PALM2AKAP2: variants seen among roughly 807,000 people sequenced by gnomAD.
PALM2AKAP2 encodes PALM2-AKAP2 fusion protein.
Under a neutral mutation model 71.5 loss-of-function variants are expected in PALM2AKAP2, and 37 were observed. The observed-to-expected ratio is 0.52, with a 90% confidence interval of 0.40 to 0.68. PALM2AKAP2 has a LOEUF of 0.68. PALM2AKAP2 is among the 30% of genes least tolerant of loss of function. The pLI, the probability that PALM2AKAP2 is intolerant of heterozygous loss-of-function variation, is 0.00. For synonymous variants in PALM2AKAP2, 468 were observed against 478.8 expected, an observed-to-expected ratio of 0.98 and a Z score of 0.29; for missense variants, 1,224 against 1,191.8, an observed-to-expected ratio of 1.03 and a Z score of -0.40.
intron 2 of PALM2AKAP2, among the ~76,000 whole-genome samples, chr9:109,869,639 A>G (rs1829551121): frequency 7.2e-6 from 1 of 138,322 alleles, no homozygotes; most frequent in Non-Finnish European, 1.6e-5. Context: ...CTATGCATCC[A>G]TTCATCCATC....
upstream of PALM2AKAP2, chr9:110,048,543 G>A: frequency 1.4e-6 from 1 of 693,024 alleles, no homozygotes; most frequent in Non-Finnish European, 2.3e-6. Flanking sequence ...GAGAGGAGAA[G>A]GTGTGGGTAG....
rs762082016 is a variant in PALM2AKAP2 at position 110,137,615 on chromosome 9, A to C, written c.1645A>C (p.Arg549=). Residue 549 remains arginine, a synonymous_variant, in exon 2 of 4, where the codon AGA becomes CGA. Coordinates refer to ENST00000374525, the Ensembl canonical transcript of PALM2AKAP2. ...CCATGGGATTTTGGATCAGTTCTCA[A>C]GATCTGTCAATGTCTCCTTGACCCA... 6 of 1,614,014 alleles carry C rather than the reference A, an allele frequency of 3.7e-6. No individual in the cohort carries two copies. The Admixed American group carries it at 5.0e-5, about 13-fold the overall frequency.
chr9:109,778,191 T>C (rs1829375491), upstream of PALM2AKAP2, among the ~76,000 whole-genome samples: 1 of 152,192 alleles, frequency 6.6e-6, no homozygotes, highest in Admixed American at 6.5e-5. Flanking sequence ...CCATTTCTGG[T>C]TCAATTGTTT....
intron 3 of PALM2AKAP2, among the ~76,000 whole-genome samples, chr9:110,164,165 A>C (rs1251214120): frequency 6.6e-6 from 1 of 152,228 alleles, no homozygotes; most frequent in African/African-American, 2.4e-5. Context: ...TTTGAGAATT[A>C]GGACTAAGCC....
intron 7 of PALM2AKAP2, among the ~76,000 whole-genome samples, chr9:110,037,161 A>T (rs1833425276): frequency 6.7e-6 from 1 of 149,930 alleles, no homozygotes. Flanking sequence ...AGCTACATGA[A>T]CATGGGGACT....
chr9:109,922,951 A>G (rs947939428), intron 3 of PALM2AKAP2, among the ~76,000 whole-genome samples: 2 of 152,240 alleles, frequency 1.3e-5, no homozygotes, highest in African/African-American at 4.8e-5. Context: ...AAGTTTGGAT[A>G]AAATAATCCA....
At chr9:110,135,879 C>T (rs1002180734) in intron 1 of PALM2AKAP2, among the ~76,000 whole-genome samples, 9 of 152,050 alleles carry the variant, frequency 5.9e-5, no homozygotes, top group Non-Finnish European at 1.2e-4. Flanking sequence ...TCTCTTCCAC[C>T]TTAGTAGATA....
intron 1 of PALM2AKAP2, among the ~76,000 whole-genome samples, chr9:109,757,448 A>T (rs1229347681): frequency 6.6e-6 from 1 of 152,102 alleles, no homozygotes; most frequent in Non-Finnish European, 1.5e-5. Context: ...TCCACCACTA[A>T]AAGTCTCCTA....
intron 1 of PALM2AKAP2, among the ~76,000 whole-genome samples, chr9:109,837,843 TATGC>T (rs1276945518): frequency 6.6e-6 from 1 of 152,158 alleles, no homozygotes; most frequent in East Asian, 1.9e-4. Context: ...CCTAAATATA[TATGC>T]ACCCAATACA....
exon 2 of PALM2AKAP2, chr9:110,137,417 C>T: frequency 1.2e-6 from 2 of 1,614,200 alleles, no homozygotes; most frequent in Non-Finnish European, 1.7e-6. Flanking sequence ...ACAGAAATCC[C>T]CCGGTGCCCT....
chr9:109,756,622 A>G (rs1828968098), intron 1 of PALM2AKAP2, among the ~76,000 whole-genome samples: 1 of 152,132 alleles, frequency 6.6e-6, no homozygotes, highest in South Asian at 2.1e-4. Context: ...TAGCTCTCTA[A>G]TCCATGTGGA....
intron 1 of PALM2AKAP2, among the ~76,000 whole-genome samples, chr9:110,133,320 A>C (rs887565873): frequency 6.6e-6 from 1 of 152,172 alleles, no homozygotes; most frequent in Non-Finnish European, 1.5e-5. Context: ...AAGAGAAGCA[A>C]TTTCTTCACT....
At chr9:109,727,920 C>A (rs748828941) in intron 1 of PALM2AKAP2, among the ~76,000 whole-genome samples, 4 of 152,188 alleles carry the variant, frequency 2.6e-5, no homozygotes, top group Non-Finnish European at 5.9e-5. Context: ...ACACATATTT[C>A]AGAGGTAACC....
intron 1 of PALM2AKAP2, among the ~76,000 whole-genome samples, chr9:109,702,770 A>T (rs1332025671): frequency 6.6e-6 from 1 of 151,458 alleles, no homozygotes; most frequent in African/African-American, 2.4e-5. Flanking sequence ...AAAAAAGAAA[A>T]TAAATCCTTG....
chr9:110,021,741 T>TAAA (rs35196810), intron 7 of PALM2AKAP2, among the ~76,000 whole-genome samples: 10 of 142,538 alleles, frequency 7.0e-5, no homozygotes, highest in East Asian at 2.0e-4. Flanking sequence ...ACATTGAATT[T>TAAA]AAAAAAAAAA....
intron 6 of PALM2AKAP2, 101 bp from the exon 7 acceptor site, chr9:110,015,853 C>T (rs1279191020): frequency 4.6e-6 from 5 of 1,097,354 alleles, no homozygotes; most frequent in Non-Finnish European, 6.8e-6. Flanking sequence ...TCATCAGCTC[C>T]CTTTACAAGT....
rs76763485 is a variant in PALM2AKAP2, at chr9:109,740,253, G to A, written c.6-40235G>A. Among the ~76,000 whole-genome samples the A allele has an allele frequency of 2.6e-3, 401 of 152,300 alleles. 4 individuals carry two copies. The highest frequency in any genetic ancestry group is 9.3e-3 in the African/African-American group (387 of 41,558). On this transcript the variant is annotated intron_variant, in intron 1 of 6. Transcript: ENST00000374531. ...CAGTGAGCAAAGCAAGGTCAGGAAG[G>A]TTTCATTCCAGGGAAAAGGGACAGA...
chr9:110,014,948 C>A (rs1832953791), intron 6 of PALM2AKAP2, among the ~76,000 whole-genome samples: 1 of 148,540 alleles, frequency 6.7e-6, no homozygotes, highest in Non-Finnish European at 1.5e-5. Context: ...TGAATTAGTA[C>A]AATTTTACTA....
chr9:109,653,771 G>C (rs1030138569), intron 1 of PALM2AKAP2, among the ~76,000 whole-genome samples: 1 of 152,116 alleles, frequency 6.6e-6, no homozygotes, highest in East Asian at 1.9e-4. Flanking sequence ...AGAGCACAGG[G>C]CTTTATATAA....
Sources: gnomAD v4.1 joint callset for allele counts (sites outside exome capture counted in the v4.1 genomes callset) on GRCh38, gnomAD v4.1.1 for gene constraint, MANE v1.5 for transcripts, NCBI Gene and HGNC (gene_info 2026-07-23, HGNC 2026-07-21) for gene names.